The following TBX22 variants were observed in gnomAD, a reference collection of about 807,000 sequenced individuals.
TBX22 encodes T-box transcription factor 22.
Under a neutral mutation model 30.1 loss-of-function variants are expected in TBX22, and 8 were observed. That is an observed-to-expected ratio of 0.27 (90% CI 0.16 to 0.48). TBX22 has a LOEUF of 0.48. Ranked by LOEUF, TBX22 falls within the 20% of genes least tolerant of loss-of-function variation. The probability of loss-of-function intolerance (pLI) is 0.99; values close to 1 mark genes in which losing one functional copy is unlikely to be tolerated. For synonymous variants in TBX22, 173 were observed against 149.1 expected, an observed-to-expected ratio of 1.16 and a Z score of -1.17; for missense variants, 463 against 400.5, an observed-to-expected ratio of 1.16 and a Z score of -1.33.
chrX:80,024,652 G>A (rs1264150712), intron 4 of TBX22, among the ~76,000 whole-genome samples: 2 of 112,107 alleles, frequency 1.8e-5, no homozygotes, highest in Admixed American at 9.4e-5. Context: ...TCAGTCAAGC[G>A]TTCCTGTGTC....
chrX:80,027,012 T>C (rs1392584713), intron 6 of TBX22, 144 bp downstream of exon 6: 18 of 675,357 alleles, frequency 2.7e-5, no homozygotes, highest in Non-Finnish European at 4.2e-5. Context: ...CCATGCAAGT[T>C]TGATAATGAA....
At chrX:80,028,971 CTT>C (rs1924113415) in intron 8 of TBX22, among the ~76,000 whole-genome samples, 1 of 107,643 alleles carries the variant, frequency 9.3e-6, no homozygotes, top group African/African-American at 3.4e-5. Flanking sequence ...AAAAAAAACA[CTT>C]ATTTTACAGT....
chrX:80,024,143 C>T lies in TBX22; in HGVS notation c.437C>T (p.Pro146Leu), dbSNP rs756913403. ...KQYHVAIDVV[P>L]VDSKRYRYVY... Reference sequence around the variant, plus strand: ...TACCATGTGGCCATCGATGTGGTGCCGGTGGATTCCAAACGCTATAGGTAA... The same window carrying T: ...TACCATGTGGCCATCGATGTGGTGCTGGTGGATTCCAAACGCTATAGGTAA... The change falls in exon 4 of 9, where the codon CCG (proline) becomes CTG (leucine). Residue 146 changes from proline to leucine, a missense_variant. Transcript: ENST00000373296. The T allele has an allele frequency of 3.3e-6, 4 of 1,210,116 alleles. No individual in the cohort carries two copies. Among genetic ancestry groups the T allele is most frequent in the East Asian group, 3.0e-5 (1 of 33,766 alleles).
chrX:80,022,927 C>T, intron 2 of TBX22, 133 bp from the exon 3 acceptor site: 1 of 637,651 alleles, frequency 1.6e-6, no homozygotes, highest in Non-Finnish European at 2.5e-6. Context: ...TTATGCGGAG[C>T]TTGGGGAATC....
chrX:80,029,634 A>G (rs761493001), intron 8 of TBX22, among the ~76,000 whole-genome samples: 10 of 112,237 alleles, frequency 8.9e-5, no homozygotes, highest in African/African-American at 2.6e-4. Context: ...AATTTTTTAA[A>G]TCAGTGTACC....
At chrX:80,015,778 C>G (rs1303950617) in intron 1 of TBX22, among the ~76,000 whole-genome samples, 1 of 111,844 alleles carries the variant, frequency 8.9e-6, no homozygotes, top group African/African-American at 3.2e-5. Context: ...AGACTTATCT[C>G]CATGAAGACC....
chrX:80,017,280 T>TTGTGTGTGTGTGTG (rs3048747), intron 1 of TBX22, among the ~76,000 whole-genome samples: 8 of 93,960 alleles, frequency 8.5e-5, no homozygotes, highest in African/African-American at 3.2e-4. Context: ...GGTGTTGTTT[T>TTGTGTGTGTGTGTG]TGTGTGTGTG....
intron 1 of TBX22, among the ~76,000 whole-genome samples, chrX:80,017,317 T>TG (rs1302487105): frequency 1.1e-4 from 11 of 104,079 alleles, no homozygotes; most frequent in African/African-American, 3.5e-4. Flanking sequence ...TGTGTGTGTG[T>TG]TTTCTTTAAT....
chrX:80,030,468 A>G, intron 8 of TBX22, 30 bp from the exon 9 acceptor site: 1 of 1,209,204 alleles, frequency 8.3e-7, no homozygotes, highest in Non-Finnish European at 1.1e-6. Context: ...TGTCAAGTTC[A>G]TTATTCATTG....
chrX:80,016,802 T>C (rs1339582042), intron 1 of TBX22, among the ~76,000 whole-genome samples: 1 of 109,777 alleles, frequency 9.1e-6, no homozygotes, highest in Non-Finnish European at 1.9e-5. Context: ...GGTCAGGAGT[T>C]CAAGACCAGC....
chrX:80,020,312 G>GATAGATAA lies in TBX22; in HGVS notation c.-2-1950_-2-1949insAAATAGAT, dbSNP rs1923628239. On this transcript the variant is annotated intron_variant, in intron 1 of 8. Coordinates refer to ENST00000373296, the MANE Select transcript of TBX22 (RefSeq NM_001109878.2). ...GATTAGATAGATAGATAGATAGATA[G>GATAGATAA]ATAGATGATACATATAGATAGATAG... Among the ~76,000 whole-genome samples the GATAGATAA allele has an allele frequency of 2.7e-5, 3 of 110,610 alleles. No individual in the cohort carries two copies. In the South Asian group the frequency reaches 1.1e-3, roughly 41 times the overall value.
At chrX:80,017,892 T>C (rs1461789789) in intron 1 of TBX22, among the ~76,000 whole-genome samples, 1 of 112,258 alleles carries the variant, frequency 8.9e-6, no homozygotes, top group African/African-American at 3.2e-5. Flanking sequence ...CACCATTTGA[T>C]AGCAGTATGA....
At chrX:80,028,554 A>T (rs1161437071) in intron 8 of TBX22, among the ~76,000 whole-genome samples, 1 of 112,230 alleles carries the variant, frequency 8.9e-6, no homozygotes, top group Non-Finnish European at 1.9e-5. Context: ...AATGTTAAAA[A>T]TAATACTAAG....
chrX:80,015,490 A>C (rs1208271547), intron 1 of TBX22, among the ~76,000 whole-genome samples: 1 of 112,802 alleles, frequency 8.9e-6, no homozygotes, highest in Non-Finnish European at 1.9e-5. Flanking sequence ...ATTTGATTTC[A>C]GGAGGAGGTC....
At position 80,030,894 on chromosome X, in the gene TBX22, C is replaced by T. The variant is rs1924221252; in HGVS notation, c.1346C>T (p.Ser449Leu). ...STNQMLYGLQ[S>L]PGNIFLPNSI... The stretch of plus-strand genomic sequence containing the variant: ...AATCAAATGTTATATGGATTACAGT[C>T]ACCTGGAAATATTTTTCTGCCAAAC... The change falls in exon 9 of 9, where the codon TCA becomes TTA. Residue 449 changes from serine (S) to leucine (L), a missense_variant. Ser to Leu is a moderately radical substitution (Grantham distance 145, BLOSUM62 -2). Coordinates refer to ENST00000373296, the MANE Select transcript of TBX22 (RefSeq NM_001109878.2). 8.3e-7 allele frequency: 1 copy of T among 1,211,656 alleles called. No homozygotes were observed. Among genetic ancestry groups the T allele is most frequent in the South Asian group, 1.8e-5 (1 of 57,009 alleles).
At chrX:80,017,905 A>T (rs1473405097) in intron 1 of TBX22, among the ~76,000 whole-genome samples, 4 of 112,204 alleles carry the variant, frequency 3.6e-5, no homozygotes, top group Non-Finnish European at 5.6e-5. Context: ...CAGTATGAAC[A>T]CATGATTAAA....
intron 8 of TBX22, 44 bp downstream of exon 8, chrX:80,028,120 A>C (rs1467352242): frequency 9.3e-7 from 1 of 1,071,902 alleles, no homozygotes. Flanking sequence ...CATATCAATT[A>C]AATAACAACA....
intron 1 of TBX22, among the ~76,000 whole-genome samples, chrX:80,016,356 C>T (rs907510330): frequency 9.0e-6 from 1 of 111,609 alleles, no homozygotes; most frequent in Non-Finnish European, 1.9e-5. Flanking sequence ...CTCATGGCTG[C>T]CCAAATTAGG....
intron 6 of TBX22, 25 bp from the exon 7 acceptor site, chrX:80,027,231 C>A: frequency 2.3e-6 from 2 of 867,264 alleles, no homozygotes; most frequent in Non-Finnish European, 3.4e-6. Flanking sequence ...ATGACTTTAT[C>A]TTTCTCTCTC....
Sources: gnomAD v4.1 joint callset for allele counts (sites outside exome capture counted in the v4.1 genomes callset) on GRCh38, gnomAD v4.1.1 for gene constraint, MANE v1.5 for transcripts, NCBI Gene and HGNC (gene_info 2026-07-23, HGNC 2026-07-21) for gene names.